STT3B: variants seen among roughly 807,000 people sequenced by gnomAD.
STT3B encodes the protein dolichyl-diphosphooligosaccharide--protein glycosyltransferase subunit STT3B.
Under a neutral mutation model 96.8 loss-of-function variants are expected in STT3B, and 29 were observed. The ratio of observed to expected loss-of-function variants is 0.30; its 90% CI spans 0.22 to 0.41. The LOEUF (loss-of-function observed/expected upper bound fraction) is 0.41. STT3B is among the 10% of genes least tolerant of loss of function. The pLI is 1.00. For synonymous variants in STT3B, 367 were observed against 360.0 expected (o/e 1.02, Z -0.22); for missense variants, 640 against 1,022.3 (o/e 0.63, Z 5.10).
intron 15 of STT3B, among the ~76,000 whole-genome samples, chr3:31,635,078 C>G (rs1699733265): frequency 1.3e-5 from 2 of 152,078 alleles, no homozygotes; most frequent in Non-Finnish European, 2.9e-5. Flanking sequence ...CAGGATTTAC[C>G]CAGTTTCTGA....
rs879852689 is a variant in STT3B at position 31,533,412 on chromosome 3, G to T, written c.314+100G>T. On this transcript the variant is annotated intron_variant, in intron 1 of 15. Coordinates refer to ENST00000295770, the MANE Select transcript of STT3B (RefSeq NM_178862.3). ...CTCCTCGACTTGGCCCCGCGCCGCC[G>T]CGGAGCCCCGCTCGCGTCCTGGCTG... 6.3e-6 allele frequency: 8 copies of T among 1,276,232 alleles called. No individual in the cohort carries two copies. In the Admixed American group the frequency reaches 2.5e-4, roughly 40 times the overall value. 79.1% of individuals were successfully genotyped at this position (1,276,232 alleles called of 1,614,324 possible). A position where few individuals can be genotyped will look rare whatever the true frequency, so the allele number is the denominator to read the frequency against.
At chr3:31,570,445 A>G (rs1446831089) in intron 1 of STT3B, among the ~76,000 whole-genome samples, 3 of 152,190 alleles carry the variant, frequency 2.0e-5, no homozygotes, top group East Asian at 1.9e-4. Flanking sequence ...TAAAATGATT[A>G]GGAACTTCAG....
At position 31,554,707 on chromosome 3, in the gene STT3B, T is replaced by C. The variant is rs578006959; in HGVS notation, c.314+21395T>C. ...TAATTTTGAAATTCTGCAAAACTTT[T>C]ATGCACTCTTTTCTGGTAAGAGAAT... On this transcript the variant is annotated intron_variant, in intron 1 of 15. Coordinates refer to ENST00000295770, the MANE Select transcript of STT3B (RefSeq NM_178862.3). Among the ~76,000 whole-genome samples the C allele has an allele frequency of 5.3e-5, 8 of 152,294 alleles. No individual in the cohort carries two copies. The East Asian group carries it at 1.4e-3, about 26-fold the overall frequency.
At chr3:31,541,315 C>T (rs567941993) in intron 1 of STT3B, among the ~76,000 whole-genome samples, 2 of 152,264 alleles carry the variant, frequency 1.3e-5, no homozygotes, top group East Asian at 1.9e-4. Flanking sequence ...GTTTCTCAAT[C>T]CCTTCCACCC....
At chr3:31,535,271 C>T (rs1449577728) in intron 1 of STT3B, among the ~76,000 whole-genome samples, 1 of 151,610 alleles carries the variant, frequency 6.6e-6, no homozygotes, top group African/African-American at 2.4e-5. Context: ...TTGAGTAATG[C>T]AATAATGAAA....
chr3:31,543,571 A>G (rs746136803), intron 1 of STT3B, among the ~76,000 whole-genome samples: 10 of 152,222 alleles, frequency 6.6e-5, no homozygotes, highest in African/African-American at 1.7e-4. Context: ...CTGTTGTGCA[A>G]TACTTTGAAA....
intron 4 of STT3B, among the ~76,000 whole-genome samples, chr3:31,598,462 A>T (rs1044221761): frequency 6.6e-6 from 1 of 152,216 alleles, no homozygotes; most frequent in African/African-American, 2.4e-5. Flanking sequence ...AGAGTTAACT[A>T]AAAAGAGAGA....
intron 15 of STT3B, 148 bp downstream of exon 15, chr3:31,633,295 C>A: frequency 4.2e-6 from 3 of 713,902 alleles, no homozygotes; most frequent in East Asian, 5.5e-5. Flanking sequence ...ATCAGCCTAG[C>A]CTGCTAGGAG....
chr3:31,547,163 T>A (rs1193214654), intron 1 of STT3B, among the ~76,000 whole-genome samples: 1 of 152,164 alleles, frequency 6.6e-6, no homozygotes, highest in African/African-American at 2.4e-5. Context: ...AGGCAGTAAG[T>A]TCAGCCCCAA....
chr3:31,549,742 T>C (rs539042723), intron 1 of STT3B, among the ~76,000 whole-genome samples: 2 of 152,286 alleles, frequency 1.3e-5, no homozygotes, highest in East Asian at 3.9e-4. Flanking sequence ...AAATATAACA[T>C]GTTTACATAT....
At chr3:31,548,681 G>T (rs1009728743) in intron 1 of STT3B, among the ~76,000 whole-genome samples, 2 of 152,036 alleles carry the variant, frequency 1.3e-5, no homozygotes, top group Non-Finnish European at 2.9e-5. Flanking sequence ...TTCTTTCTCT[G>T]CTCCGTCATT....
chr3:31,625,896 G>T lies in STT3B; in HGVS notation c.1900-58G>T, dbSNP rs1699527110. 4.9e-6 allele frequency: 7 copies of T among 1,433,758 alleles called. No homozygotes were observed. In the East Asian group the frequency reaches 1.4e-4, roughly 29 times the overall value. 88.8% of individuals were successfully genotyped at this position (1,433,758 alleles called of 1,614,324 possible). ...CATGTTGTAGTAAAAAATATACATTGATTTTTATGAATGTGGGAATAATCA... is the reference window on the plus strand; with the variant it reads ...CATGTTGTAGTAAAAAATATACATTTATTTTTATGAATGTGGGAATAATCA... On this transcript the variant is annotated intron_variant, in intron 12 of 15. Transcript: ENST00000295770.
At chr3:31,560,581 T>A (rs1697851208) in intron 1 of STT3B, among the ~76,000 whole-genome samples, 3 of 152,094 alleles carry the variant, frequency 2.0e-5, no homozygotes, top group African/African-American at 7.2e-5. Flanking sequence ...ATTATCCCTT[T>A]CTTTCCTGGC....
At chr3:31,612,374 G>A (rs1699202149) in intron 5 of STT3B, among the ~76,000 whole-genome samples, 1 of 152,196 alleles carries the variant, frequency 6.6e-6, no homozygotes, top group Admixed American at 6.5e-5. Context: ...TTGGATTGTT[G>A]TAGATACCAC....
At chr3:31,635,325 G>A (rs1253128304) in intron 15 of STT3B, among the ~76,000 whole-genome samples, 4 of 152,016 alleles carry the variant, frequency 2.6e-5, no homozygotes, top group East Asian at 1.9e-4. Flanking sequence ...CTGCATTTCC[G>A]GTAATTTGTT....
intron 3 of STT3B, among the ~76,000 whole-genome samples, chr3:31,581,020 AT>A (rs1427893097): frequency 1.3e-5 from 2 of 152,112 alleles, no homozygotes; most frequent in African/African-American, 4.8e-5. Flanking sequence ...AATCATAAAA[AT>A]AATACATGCG....
At chr3:31,628,159 G>A (rs995580517) in intron 13 of STT3B, among the ~76,000 whole-genome samples, 2 of 123,652 alleles carry the variant, frequency 1.6e-5, no homozygotes, top group Non-Finnish European at 3.2e-5. Context: ...ATTTCACAGT[G>A]CATATTTCAA....
At chr3:31,576,248 T>A in intron 1 of STT3B, 148 bp from the exon 2 acceptor site, 2 of 379,046 alleles carry the variant, frequency 5.3e-6, no homozygotes, top group Non-Finnish European at 4.7e-6. Context: ...GGTATAAGCA[T>A]GTTCTTTTGA....
chr3:31,611,471 G>A (rs1329730398), intron 5 of STT3B, among the ~76,000 whole-genome samples: 2 of 152,072 alleles, frequency 1.3e-5, no homozygotes, highest in African/African-American at 2.4e-5. Flanking sequence ...GGCAAAAAGC[G>A]TATGTTTTCA....
Sources: allele counts gnomAD v4.1 joint callset (sites outside exome capture counted in the v4.1 genomes callset), GRCh38; gene constraint gnomAD v4.1.1; transcripts MANE v1.5; gene names NCBI Gene and HGNC (gene_info 2026-07-23, HGNC 2026-07-21).